The following CYRIA variants were observed in gnomAD, a reference collection of about 807,000 sequenced individuals.
CYRIA encodes CYFIP-related Rac1 interactor A.
CYRIA carries 15 observed loss-of-function variants against 43.9 expected under a neutral mutation model. That is an observed-to-expected ratio of 0.34 (90% CI 0.23 to 0.53). CYRIA has a LOEUF of 0.53. CYRIA is among the 20% of genes least tolerant of loss of function. The probability of loss-of-function intolerance (pLI) is 0.94; values close to 1 mark genes in which losing one functional copy is unlikely to be tolerated. For synonymous variants in CYRIA, 117 were observed against 136.0 expected (o/e 0.86, Z 0.97); for missense variants, 236 against 394.2 (o/e 0.60, Z 3.40).
intron 2 of CYRIA, among the ~76,000 whole-genome samples, chr2:16,588,482 T>G (rs73211554): frequency 1.3e-5 from 2 of 151,960 alleles, no homozygotes; most frequent in African/African-American, 4.8e-5. Flanking sequence ...GTATTTTCAT[T>G]ATAGGAGACA....
chr2:16,656,865 G>A (rs1236914716), intron 1 of CYRIA, among the ~76,000 whole-genome samples: 1 of 152,170 alleles, frequency 6.6e-6, no homozygotes, highest in Non-Finnish European at 1.5e-5. Context: ...AATGGCAGTC[G>A]AGTCACCAGG....
At chr2:16,581,832 TGTCATAC>T (rs1667561229) in intron 3 of CYRIA, among the ~76,000 whole-genome samples, 1 of 152,004 alleles carries the variant, frequency 6.6e-6, no homozygotes, top group Non-Finnish European at 1.5e-5. Flanking sequence ...GAAAACGAAT[TGTCATAC>T]AACAGAAGAG....
intron 2 of CYRIA, among the ~76,000 whole-genome samples, chr2:16,593,596 G>A (rs1050339035): frequency 4.0e-5 from 6 of 151,570 alleles, no homozygotes; most frequent in South Asian, 4.2e-4. Flanking sequence ...CAAAATTCCC[G>A]AACATAAACA....
chr2:16,607,918 A>C (rs1042501731), intron 2 of CYRIA, among the ~76,000 whole-genome samples: 2 of 152,112 alleles, frequency 1.3e-5, no homozygotes, highest in African/African-American at 4.8e-5. Flanking sequence ...TTTCTTGCTC[A>C]TACTGTTCCT....
At chr2:16,557,126 C>T (rs909571454) in intron 10 of CYRIA, among the ~76,000 whole-genome samples, 5 of 152,242 alleles carry the variant, frequency 3.3e-5, no homozygotes, top group African/African-American at 1.2e-4. Context: ...ACACCATCTC[C>T]CCAAACCCTC....
chr2:16,665,119 T>A (rs1299019371), intron 1 of CYRIA, among the ~76,000 whole-genome samples: 1 of 152,166 alleles, frequency 6.6e-6, no homozygotes, highest in Non-Finnish European at 1.5e-5. Flanking sequence ...GACAGGTGTC[T>A]CCACCAAAAA....
intron 3 of CYRIA, among the ~76,000 whole-genome samples, chr2:16,583,986 T>C (rs1667641028): frequency 6.6e-6 from 1 of 152,192 alleles, no homozygotes; most frequent in Admixed American, 6.6e-5. Context: ...AGTTCAATTA[T>C]ATTCTACCAC....
chr2:16,604,423 C>T (rs962226002), intron 2 of CYRIA, among the ~76,000 whole-genome samples: 1 of 152,210 alleles, frequency 6.6e-6, no homozygotes, highest in African/African-American at 2.4e-5. Context: ...CGTCTGGCAT[C>T]CAGTGGGTGT....
Position 16,568,072 on chromosome 2 carries a change from C to T in CYRIA, c.71-2305G>A, listed in dbSNP as rs117246579. 1.9e-3 allele frequency among the ~76,000 whole-genome samples: 295 copies of T among 152,182 alleles called. 4 individuals are homozygous for T. In the East Asian group the frequency reaches 0.045, roughly 23 times the overall value. On this transcript the variant is annotated intron_variant, in intron 3 of 11. Coordinates refer to ENST00000381323, the MANE Select transcript of CYRIA (RefSeq NM_030797.4). ...AAGACATTTATTACAGGTTGAGCTT[C>T]CCATATCCAAAAATCTGAAATGCTC...
chr2:16,601,102 C>T (rs1178353432), intron 2 of CYRIA, among the ~76,000 whole-genome samples: 1 of 151,912 alleles, frequency 6.6e-6, no homozygotes, highest in Non-Finnish European at 1.5e-5. Context: ...CCATAGCTTC[C>T]ATTAGATTCC....
intron 10 of CYRIA, among the ~76,000 whole-genome samples, chr2:16,555,599 T>C (rs1036889547): frequency 6.6e-6 from 1 of 152,154 alleles, no homozygotes; most frequent in African/African-American, 2.4e-5. Context: ...CCTTCACCTG[T>C]TTGACTGGCA....
chr2:16,622,675 T>C (rs1669035487), intron 2 of CYRIA, among the ~76,000 whole-genome samples: 2 of 152,166 alleles, frequency 1.3e-5, no homozygotes. Context: ...TTTAAAATGG[T>C]GATTTAAGCA....
intron 2 of CYRIA, among the ~76,000 whole-genome samples, chr2:16,614,805 C>A (rs1206587739): frequency 6.6e-6 from 1 of 152,238 alleles, no homozygotes; most frequent in Non-Finnish European, 1.5e-5. Flanking sequence ...GGTGCCACAT[C>A]CCTCTCCACA....
rs938900795 is a variant in CYRIA at position 16,611,246 on chromosome 2, T to C, written c.-11+12618A>G. On this transcript the variant is annotated intron_variant, in intron 2 of 11. Coordinates refer to ENST00000381323, the MANE Select transcript of CYRIA (RefSeq NM_030797.4). ...TGGGTGTGGTGGCATGTGCCTGTAGTCCCAGCTACTTGGGAGGCTGAGGCA... is the reference window on the plus strand; with the variant it reads ...TGGGTGTGGTGGCATGTGCCTGTAGCCCCAGCTACTTGGGAGGCTGAGGCA... 6.6e-5 allele frequency among the ~76,000 whole-genome samples: 10 copies of C among 150,612 alleles called. No homozygotes were observed. In the South Asian group the frequency reaches 1.5e-3, roughly 22 times the overall value.
rs146041069 is a variant in CYRIA, at chr2:16,662,279, C to T, written c.-167+3501G>A. Among the ~76,000 whole-genome samples, 225 of 152,284 alleles carry T rather than the reference C, an allele frequency of 1.5e-3. 1 individual carries two copies. Among genetic ancestry groups the T allele is most frequent in the African/African-American group, 5.0e-3 (208 of 41,544 alleles). On this transcript the variant is annotated intron_variant, in intron 1 of 11. Coordinates refer to ENST00000381323, the MANE Select transcript of CYRIA (RefSeq NM_030797.4). Reference sequence around the variant, plus strand: ...ATGGTTTTAAGGGGACCCAGAGGTCCAGTAACTGAGAACGCTTTTCTAATC... The same window carrying T: ...ATGGTTTTAAGGGGACCCAGAGGTCTAGTAACTGAGAACGCTTTTCTAATC...
chr2:16,664,590 C>T (rs1317434467), intron 1 of CYRIA, among the ~76,000 whole-genome samples: 3 of 152,158 alleles, frequency 2.0e-5, no homozygotes, highest in Admixed American at 2.0e-4. Context: ...AACTCTGGTA[C>T]CCAAGCCCAG....
intron 7 of CYRIA, 82 bp from the exon 8 acceptor site, chr2:16,561,359 A>C: frequency 6.8e-7 from 1 of 1,478,296 alleles, no homozygotes; most frequent in Non-Finnish European, 9.5e-7. Context: ...ACTGAATTAC[A>C]GACAAGGACA....
intron 2 of CYRIA, among the ~76,000 whole-genome samples, chr2:16,601,481 T>C (rs1420041621): frequency 1.3e-5 from 2 of 152,192 alleles, no homozygotes; most frequent in Non-Finnish European, 2.9e-5. Context: ...GGTGTTTCTC[T>C]AGTCATTTTA....
intron 2 of CYRIA, chr2:16,623,152 T>A (rs917489545): frequency 1.3e-5 from 2 of 152,226 alleles, no homozygotes; most frequent in African/African-American, 2.4e-5. Context: ...GTAAGAGAGA[T>A]GTGTTAATAT....
Sources: gnomAD v4.1 joint callset for allele counts (sites outside exome capture counted in the v4.1 genomes callset) on GRCh38, gnomAD v4.1.1 for gene constraint, MANE v1.5 for transcripts, NCBI Gene and HGNC (gene_info 2026-07-23, HGNC 2026-07-21) for gene names.